The following MTCH2 variants were observed in gnomAD, a reference collection of about 807,000 sequenced individuals.
The protein encoded by MTCH2 is mitochondrial carrier homolog 2.
A neutral mutation model predicts 50.6 loss-of-function variants in MTCH2; 25 were observed. The observed-to-expected ratio is 0.49, with a 90% CI of 0.36 to 0.69. The LOEUF (loss-of-function observed/expected upper bound fraction) is 0.69, where lower values mean the gene tolerates loss of function less well. Among genes scored for constraint, MTCH2 ranks in the 30% least tolerant of loss-of-function variants. MTCH2 has a pLI of 0.00. For missense variants in MTCH2, 273 were observed against 384.4 expected, an observed-to-expected ratio of 0.71 and a Z score of 2.42; for synonymous variants, 106 against 132.0, an observed-to-expected ratio of 0.80 and a Z score of 1.35.
rs2097311687 is a variant in MTCH2 at position 47,639,140 on chromosome 11, GTTATTTTTAAACA to G, written c.88-102_88-90del. ...GTCTTGAATAAAGAACACAATTTGG[GTTATTTTTAAACA>G]CAAGTAAAAATGCAGCATAGGTTTT... On this transcript the variant is annotated intron_variant, in intron 1 of 12. Transcript: ENST00000302503. 5.9e-6 allele frequency: 7 copies of G among 1,189,116 alleles called. No individual in the cohort carries two copies. The Admixed American group carries it at 1.7e-4, about 29-fold the overall frequency. The allele number at this position is 1,189,116 out of a possible 1,614,324, so 73.7% of individuals were successfully genotyped here.
intron 12 of MTCH2, 57 bp downstream of exon 12, chr11:47,622,644 A>C (rs1035502891): frequency 1.5e-6 from 2 of 1,355,812 alleles, no homozygotes; most frequent in Non-Finnish European, 2.0e-6. Context: ...TATTTAAGAA[A>C]ACAAATAAAT....
In MTCH2 at chr11:47,639,021, C is replaced by T; in HGVS notation, c.118G>A (p.Gly40Arg). 1.2e-6 allele frequency: 2 copies of T among 1,604,772 alleles called. No individual in the cohort carries two copies. The highest frequency in any genetic ancestry group is 1.7e-6 in the Non-Finnish European group (2 of 1,176,582). ...ACTTGCCGCCCAAAAATATTTCGTC[C>T]TATTGTTGGAGGAAGAGGCTCATAT... ...VGYEPLPPTIGRNIFGRQVCQ... is the reference protein window; with the variant it reads ...VGYEPLPPTIRRNIFGRQVCQ... The change falls in exon 2 of 13, where the codon GGA becomes AGA. Residue 40 changes from glycine to arginine, a missense_variant. Gly to Arg is a moderately radical substitution (Grantham distance 125). Transcript: ENST00000302503.
intron 11 of MTCH2, among the ~76,000 whole-genome samples, chr11:47,624,370 C>T (rs1312002274): frequency 6.6e-6 from 1 of 152,138 alleles, no homozygotes; most frequent in African/African-American, 2.4e-5. Context: ...ATCAAACTTT[C>T]CATAGACTAA....
chr11:47,619,346 C>T (rs1387633810), intron 12 of MTCH2, among the ~76,000 whole-genome samples: 1 of 152,150 alleles, frequency 6.6e-6, no homozygotes, highest in Non-Finnish European at 1.5e-5. Flanking sequence ...AAGCGATTCT[C>T]CTGCCTCAGC....
chr11:47,621,429 T>C (rs1011022884), intron 12 of MTCH2, among the ~76,000 whole-genome samples: 5 of 92,666 alleles, frequency 5.4e-5, no homozygotes, highest in Non-Finnish European at 8.0e-5. Flanking sequence ...TTTGTTGTTG[T>C]TATTGTCTTT....
At chr11:47,608,170 G>T in the MTCH2 span, among the ~76,000 whole-genome samples, 2 of 152,152 alleles carry the variant, frequency 1.3e-5, no homozygotes, top group Admixed American at 6.5e-5. Context: ...TTATGGGTTG[G>T]AGCTAATGGC....
chr11:47,624,753 T>C (rs2097296407), intron 11 of MTCH2, among the ~76,000 whole-genome samples: 2 of 152,104 alleles, frequency 1.3e-5, no homozygotes, highest in African/African-American at 4.8e-5. Flanking sequence ...AGCTAGGACT[T>C]CACCACCACA....
At chr11:47,635,398 T>C in intron 4 of MTCH2, 147 bp downstream of exon 4, 4 of 805,070 alleles carry the variant, frequency 5.0e-6, no homozygotes, top group Non-Finnish European at 8.1e-6. Flanking sequence ...CAAACAGAAC[T>C]GTCCAAACTG....
At chr11:47,611,159 A>G in the MTCH2 span, among the ~76,000 whole-genome samples, 1 of 152,240 alleles carries the variant, frequency 6.6e-6, no homozygotes, top group South Asian at 2.1e-4. Flanking sequence ...CAGGGAGATT[A>G]TAGGCCTTTG....
the MTCH2 span, among the ~76,000 whole-genome samples, chr11:47,608,370 C>G: frequency 4.8e-5 from 2 of 41,370 alleles, no homozygotes; most frequent in East Asian, 7.4e-4. Flanking sequence ...AGGAGAAGAA[C>G]TTGCAGGCTT....
Position 47,638,772 on chromosome 11 carries a change from C to T in MTCH2, c.206G>A (p.Gly69Glu). Residue 69 changes from glycine (G) to glutamate (E), a missense_variant, in exon 3 of 13, where the codon GGG (glycine) becomes GAG (glutamate). Gly to Glu is a moderately conservative substitution (Grantham distance 98). Coordinates refer to ENST00000302503, the MANE Select transcript of MTCH2 (RefSeq NM_014342.4). The part of the protein sequence containing the change: ...QHIASIDGRR[G>E]LFTGLTPRLC... ...TCTTGGAGTTAAGCCTGTGAACAAC[C>T]CGCGCCTCCCATCGATACTGGCAAT... 9 of 1,614,272 alleles carry T rather than the reference C, an allele frequency of 5.6e-6. No homozygotes were observed. The highest frequency in any genetic ancestry group is 7.6e-6 in the Non-Finnish European group (9 of 1,180,052).
chr11:47,626,775 G>A (rs1356325713), intron 10 of MTCH2, among the ~76,000 whole-genome samples: 1 of 151,924 alleles, frequency 6.6e-6, no homozygotes, highest in African/African-American at 2.4e-5. Context: ...ACCACGCTCG[G>A]CTAATGTTAG....
At chr11:47,623,256 C>G (rs531472758) in intron 11 of MTCH2, among the ~76,000 whole-genome samples, 1 of 151,826 alleles carries the variant, frequency 6.6e-6, no homozygotes, top group Non-Finnish European at 1.5e-5. Flanking sequence ...CCTGTAATCC[C>G]GGCTACTTGG....
chr11:47,609,532 CAGG>C, the MTCH2 span, among the ~76,000 whole-genome samples: 1 of 138,212 alleles, frequency 7.2e-6, no homozygotes. Flanking sequence ...GAGGCTGAGG[CAGG>C]AGAATCACTT....
intron 12 of MTCH2, among the ~76,000 whole-genome samples, chr11:47,621,892 C>A (rs533653367): frequency 1.3e-5 from 2 of 150,890 alleles, no homozygotes; most frequent in Non-Finnish European, 3.0e-5. Flanking sequence ...TTTTTGGATA[C>A]AGGGTCTCAC....
At chr11:47,626,795 TAG>T (rs2097298627) in intron 10 of MTCH2, among the ~76,000 whole-genome samples, 1 of 152,078 alleles carries the variant, frequency 6.6e-6, no homozygotes, top group Non-Finnish European at 1.5e-5. Context: ...GTATTTTTAG[TAG>T]AGACGGGGAT....
intron 11 of MTCH2, among the ~76,000 whole-genome samples, chr11:47,623,098 C>T (rs1021420394): frequency 1.3e-5 from 2 of 151,020 alleles, no homozygotes; most frequent in South Asian, 4.2e-4. Context: ...TGGCCGGGCA[C>T]GGTGGCTCAC....
At chr11:47,639,219 C>T (rs1285200144) in intron 1 of MTCH2, among the ~76,000 whole-genome samples, 168 bp from the exon 2 acceptor site, 1 of 152,160 alleles carries the variant, frequency 6.6e-6, no homozygotes, top group Non-Finnish European at 1.5e-5. Context: ...GGTTTTTCTT[C>T]TGTTGGTAAT....
intron 1 of MTCH2, among the ~76,000 whole-genome samples, chr11:47,640,458 C>T (rs900382025): frequency 6.6e-6 from 1 of 152,084 alleles, no homozygotes; most frequent in African/African-American, 2.4e-5. Context: ...CTCTTGTCGC[C>T]CAGGCTGGAG....
Sources: allele counts gnomAD v4.1 joint callset (sites outside exome capture counted in the v4.1 genomes callset), GRCh38; gene constraint gnomAD v4.1.1; transcripts MANE v1.5; gene names NCBI Gene and HGNC (gene_info 2026-07-23, HGNC 2026-07-21).